ZNF385D: variants seen among roughly 807,000 people sequenced by gnomAD.
The protein encoded by ZNF385D is zinc finger protein 385D, also known as zinc finger protein 659.
ZNF385D carries 15 observed loss-of-function variants against 35.8 expected under a neutral mutation model. The observed-to-expected ratio is 0.42, with a 90% CI of 0.28 to 0.64. ZNF385D has a LOEUF of 0.64. ZNF385D is among the 30% of genes least tolerant of loss of function. The pLI is 0.23. For missense variants in ZNF385D, 474 were observed against 494.6 expected (o/e 0.96, Z 0.39); for synonymous variants, 212 against 186.8 (o/e 1.13, Z -1.10).
At chr3:21,946,575 T>C (rs542561950) in intron 3 of ZNF385D, among the ~76,000 whole-genome samples, 1 of 152,302 alleles carries the variant, frequency 6.6e-6, no homozygotes, top group South Asian at 2.1e-4. Flanking sequence ...CTCACACCTG[T>C]AATCCCAGAA....
chr3:22,078,964 G>A (rs1380478617), intron 3 of ZNF385D, among the ~76,000 whole-genome samples: 10 of 151,964 alleles, frequency 6.6e-5, no homozygotes, highest in Non-Finnish European at 1.5e-4. Flanking sequence ...TTTCAAGTGT[G>A]TTAAGATTAT....
intron 2 of ZNF385D, among the ~76,000 whole-genome samples, chr3:22,253,836 A>C (rs993073606): frequency 1.4e-5 from 1 of 72,476 alleles, no homozygotes. Context: ...AAAAATCCAG[A>C]AACAAACAAA....
At chr3:22,223,768 T>C (rs1309973132) in intron 2 of ZNF385D, among the ~76,000 whole-genome samples, 1 of 152,140 alleles carries the variant, frequency 6.6e-6, no homozygotes, top group Non-Finnish European at 1.5e-5. Flanking sequence ...CATGTTAAAT[T>C]GAGTGTGTGT....
At chr3:22,066,531 C>CGTGTGT (rs1699968798) in intron 3 of ZNF385D, among the ~76,000 whole-genome samples, 1 of 38,198 alleles carries the variant, frequency 2.6e-5, no homozygotes, top group Non-Finnish European at 4.8e-5. Context: ...GAGATGGTTC[C>CGTGTGT]CTGTGTGTGT....
intron 3 of ZNF385D, among the ~76,000 whole-genome samples, chr3:21,944,213 C>T (rs1701667619): frequency 1.3e-5 from 2 of 152,122 alleles, no homozygotes. Flanking sequence ...AGAGAGCAGG[C>T]TGTACAAATC....
intron 3 of ZNF385D, among the ~76,000 whole-genome samples, chr3:22,089,819 AT>A (rs1182844587): frequency 6.6e-6 from 1 of 152,072 alleles, no homozygotes; most frequent in Non-Finnish European, 1.5e-5. Flanking sequence ...TCAACCCCAT[AT>A]TTTGTAATTA....
At chr3:22,119,732 T>A (rs982213136) in intron 3 of ZNF385D, among the ~76,000 whole-genome samples, 3 of 152,138 alleles carry the variant, frequency 2.0e-5, no homozygotes, top group Admixed American at 6.6e-5. Flanking sequence ...TCCAGTAGAT[T>A]TTGTGTCACA....
intron 2 of ZNF385D, among the ~76,000 whole-genome samples, chr3:22,297,647 C>G (rs1226836589): frequency 6.6e-6 from 1 of 152,034 alleles, no homozygotes; most frequent in Non-Finnish European, 1.5e-5. Flanking sequence ...TGACCTCAGG[C>G]TGTTCTTTTC....
chr3:22,065,059 A>T (rs76188864), intron 3 of ZNF385D, among the ~76,000 whole-genome samples: 1 of 152,330 alleles, frequency 6.6e-6, no homozygotes, highest in East Asian at 1.9e-4. Flanking sequence ...CCCACTAGCT[A>T]TAAGTCCTTA....
At position 21,736,391 on chromosome 3, in the gene ZNF385D, A is replaced by T. The variant is rs562940386; in HGVS notation, c.22+14504T>A. ...TTTTTTAAAAAGTATGGAATTAGAA[A>T]TATAAGAAAGAATCACTGAAATGTG... On this transcript the variant is annotated intron_variant, in intron 1 of 7. Transcript: ENST00000281523. Among the ~76,000 whole-genome samples the T allele has an allele frequency of 2.6e-5, 4 of 152,350 alleles. No homozygotes were observed. The South Asian group carries it at 8.3e-4, about 32-fold the overall frequency.
intron 3 of ZNF385D, among the ~76,000 whole-genome samples, chr3:21,915,392 G>T (rs897155703): frequency 1.3e-5 from 2 of 152,078 alleles, no homozygotes; most frequent in Admixed American, 6.6e-5. Flanking sequence ...TTGTAAGCAT[G>T]AACCATTTAA....
At chr3:22,230,552 C>A (rs571188262) in intron 2 of ZNF385D, among the ~76,000 whole-genome samples, 1 of 152,244 alleles carries the variant, frequency 6.6e-6, no homozygotes, top group East Asian at 1.9e-4. Context: ...GACTATACAC[C>A]CCTAATACTG....
intron 3 of ZNF385D, among the ~76,000 whole-genome samples, chr3:21,521,545 G>A (rs1396872175): frequency 6.6e-6 from 1 of 152,154 alleles, no homozygotes; most frequent in African/African-American, 2.4e-5. Flanking sequence ...TTGAAGCCAG[G>A]ATTTTGAGAC....
At position 21,950,278 on chromosome 3, in the gene ZNF385D, G is replaced by A. The variant is rs939664018; in HGVS notation, c.325+218539C>T. Among the ~76,000 whole-genome samples the A allele has an allele frequency of 6.6e-5, 10 of 151,684 alleles. No individual in the cohort carries two copies. In the South Asian group the frequency reaches 1.0e-3, roughly 16 times the overall value. ...CTGGCATGAGATGGTATCTCATTGT[G>A]GTTTTGATTTGCATTTCTCTAATAA... On this transcript the variant is annotated intron_variant, in intron 3 of 5. Coordinates refer to the ZNF385D transcript ENST00000494108.
At chr3:22,099,176 C>T (rs1035017382) in intron 3 of ZNF385D, among the ~76,000 whole-genome samples, 1 of 152,016 alleles carries the variant, frequency 6.6e-6, no homozygotes, top group Non-Finnish European at 1.5e-5. Context: ...TGGAAAAATG[C>T]TCATAATGAA....
chr3:21,573,805 A>T (rs1272566579), intron 2 of ZNF385D, among the ~76,000 whole-genome samples: 2 of 151,748 alleles, frequency 1.3e-5, no homozygotes, highest in Non-Finnish European at 2.9e-5. Flanking sequence ...CACCCATGTA[A>T]TCCCAGCACT....
intron 2 of ZNF385D, among the ~76,000 whole-genome samples, chr3:22,251,631 A>G (rs1700068740): frequency 6.6e-6 from 1 of 152,084 alleles, no homozygotes; most frequent in Non-Finnish European, 1.5e-5. Flanking sequence ...TCAGTAGTGA[A>G]TCCCTCCCCC....
rs540813960 is a variant in ZNF385D, at chr3:21,972,034, G to A, written c.325+196783C>T. Among the ~76,000 whole-genome samples the A allele has an allele frequency of 3.9e-5, 6 of 151,952 alleles. 1 individual carries two copies. The highest frequency in any genetic ancestry group is 1.4e-4 in the African/African-American group (6 of 41,530). On this transcript the variant is annotated intron_variant, in intron 3 of 5. Transcript: ENST00000494108. The stretch of plus-strand genomic sequence containing the variant: ...TTGGAGACTTCAACATCCATTTTCA[G>A]CAGCGGAAAAATCATTTAGACAGAA...
intron 2 of ZNF385D, among the ~76,000 whole-genome samples, chr3:21,603,718 T>G (rs768861412): frequency 3.9e-4 from 60 of 152,198 alleles, no homozygotes; most frequent in African/African-American, 1.4e-3. Context: ...GTAATCAATT[T>G]TAAATCTATG....
Sources: allele counts gnomAD v4.1 joint callset (sites outside exome capture counted in the v4.1 genomes callset), GRCh38; gene constraint gnomAD v4.1.1; transcripts MANE v1.5; gene names NCBI Gene and HGNC (gene_info 2026-07-23, HGNC 2026-07-21).